The following PDGFRL variants were observed in gnomAD, a reference collection of about 807,000 sequenced individuals.
PDGFRL encodes the protein platelet-derived growth factor receptor-like protein.
PDGFRL carries 46 observed loss-of-function variants against 37.2 expected under a neutral mutation model. The ratio of observed to expected loss-of-function variants is 1.24; its 90% CI spans 0.98 to 1.58. The LOEUF is 1.58. PDGFRL is among the 40% of genes most tolerant of loss of function. The probability of loss-of-function intolerance (pLI) is 0.00; values close to 1 mark genes in which losing one functional copy is unlikely to be tolerated. For missense variants in PDGFRL, 692 were observed against 467.6 expected (o/e 1.48, Z -4.43); for synonymous variants, 251 against 184.3 (o/e 1.36, Z -2.93).
At chr8:17,597,470 A>G (rs895709757) in intron 2 of PDGFRL, among the ~76,000 whole-genome samples, 3 of 152,232 alleles carry the variant, frequency 2.0e-5, no homozygotes, top group Non-Finnish European at 2.9e-5. Context: ...AGAGAGAGCA[A>G]TTAATGAAGA....
intron 2 of PDGFRL, among the ~76,000 whole-genome samples, chr8:17,609,665 A>AAAAG (rs869133686): frequency 1.0e-5 from 1 of 97,524 alleles, no homozygotes; most frequent in East Asian, 3.6e-4. Context: ...AAAAAAAAAA[A>AAAAG]TAAGAGCCAA....
intron 1 of PDGFRL, 103 bp downstream of exon 1, chr8:17,577,410 C>G: frequency 1.0e-6 from 1 of 992,642 alleles, no homozygotes; most frequent in Admixed American, 2.0e-5. Context: ...AACGTTCGGC[C>G]CTCGGTGGCT....
At chr8:17,608,560 T>C (rs1055706866) in intron 2 of PDGFRL, among the ~76,000 whole-genome samples, 4 of 151,880 alleles carry the variant, frequency 2.6e-5, no homozygotes, top group African/African-American at 9.7e-5. Flanking sequence ...CCAGAGCGAG[T>C]GTGTCACAGC....
intron 5 of PDGFRL, among the ~76,000 whole-genome samples, chr8:17,641,775 C>G (rs1426114617): frequency 1.3e-5 from 2 of 151,792 alleles, no homozygotes; most frequent in Non-Finnish European, 2.9e-5. Context: ...GGCCTATGGG[C>G]TGTGATTGGT....
At chr8:17,616,230 C>T (rs1804524395) in intron 2 of PDGFRL, among the ~76,000 whole-genome samples, 1 of 151,720 alleles carries the variant, frequency 6.6e-6, no homozygotes, top group Admixed American at 6.6e-5. Flanking sequence ...GAGCCTTGCT[C>T]TGTCACCAGG....
chr8:17,593,508 G>T (rs1411665591), intron 2 of PDGFRL, among the ~76,000 whole-genome samples: 1 of 151,782 alleles, frequency 6.6e-6, no homozygotes, highest in Non-Finnish European at 1.5e-5. Flanking sequence ...TAAGAGGGTG[G>T]GATCACCTGA....
chr8:17,617,529 C>G (rs775130060), intron 2 of PDGFRL, among the ~76,000 whole-genome samples: 1 of 152,150 alleles, frequency 6.6e-6, no homozygotes, highest in Non-Finnish European at 1.5e-5. Context: ...CCCTCGGTCA[C>G]TTCCAACCCC....
At chr8:17,593,888 C>CA (rs376718770) in intron 2 of PDGFRL, among the ~76,000 whole-genome samples, 117,625 of 145,392 alleles carry the variant, frequency 0.81, 49,176 homozygotes, top group Non-Finnish European at 0.92. Context: ...AACTCCATCT[C>CA]AAAAAAAAAA....
chr8:17,632,323 C>T (rs762724030), intron 4 of PDGFRL, among the ~76,000 whole-genome samples: 4 of 151,692 alleles, frequency 2.6e-5, no homozygotes, highest in African/African-American at 7.3e-5. Context: ...TTCTCCACTC[C>T]ATTTTCCACA....
chr8:17,613,077 T>C (rs955762424), intron 2 of PDGFRL, among the ~76,000 whole-genome samples: 7 of 152,350 alleles, frequency 4.6e-5, no homozygotes, highest in African/African-American at 1.7e-4. Context: ...TTTAGCTAAA[T>C]CTCTTGGGTC....
Position 17,643,138 on chromosome 8 carries a change from AAGT to A in PDGFRL, c.*338_*340del. ...ATAAAAAGTGGGATAAGTGTTTTTT[AAGT>A]TAAGTTGACTTAAAATACATCCAGA... On this transcript the variant is annotated 3_prime_UTR_variant, in exon 6 of 6. Coordinates refer to ENST00000251630, the MANE Select transcript of PDGFRL (RefSeq NM_001372073.1). 4.7e-6 allele frequency: 1 copy of A among 214,646 alleles called. No homozygotes were observed. The highest frequency in any genetic ancestry group is 9.2e-6 in the Non-Finnish European group (1 of 108,440). The allele number at this position is 214,646 out of a possible 1,614,324, so 13.3% of individuals were successfully genotyped here. A position where few individuals can be genotyped will look rare whatever the true frequency, so the allele number is the denominator to read the frequency against.
Position 17,634,107 on chromosome 8 carries a change from C to T in PDGFRL, c.833C>T (p.Ala278Val), listed in dbSNP as rs199546402. The change falls in exon 5 of 6, where the codon GCT becomes GTT. Residue 278 changes from alanine to valine, a missense_variant. Coordinates refer to ENST00000251630, the MANE Select transcript of PDGFRL (RefSeq NM_001372073.1). ...PSGPPSTTIL[A>V]SSNKVKSGDD... ...GGCCCTCCCTCAACAACCATCTTGG[C>T]TTCTTCAAACAAAGTGAAAAGTGGG... 6.2e-5 allele frequency: 100 copies of T among 1,614,010 alleles called. No individual in the cohort carries two copies. Among genetic ancestry groups the T allele is most frequent in the Non-Finnish European group, 7.9e-5 (93 of 1,179,836 alleles).
intron 2 of PDGFRL, among the ~76,000 whole-genome samples, chr8:17,602,630 G>C (rs1367417339): frequency 6.6e-6 from 1 of 152,110 alleles, no homozygotes; most frequent in Non-Finnish European, 1.5e-5. Context: ...ATTGATTTAG[G>C]GTAGCTCTTT....
At chr8:17,627,989 C>CTTTTTTTTTTTTTTTTT (rs35707610) in intron 3 of PDGFRL, among the ~76,000 whole-genome samples, 3 of 89,248 alleles carry the variant, frequency 3.4e-5, no homozygotes, top group Admixed American at 1.4e-4. Context: ...TTCTTTCTTT[C>CTTTTTTTTTTTTTTTTT]TTTTTTTTTT....
intron 3 of PDGFRL, among the ~76,000 whole-genome samples, chr8:17,627,341 T>A (rs1379239517): frequency 6.6e-6 from 1 of 151,842 alleles, no homozygotes; most frequent in East Asian, 1.9e-4. Context: ...AATGTGCTTG[T>A]CTACTTTAAG....
At chr8:17,610,282 C>T (rs998438300) in intron 2 of PDGFRL, among the ~76,000 whole-genome samples, 1 of 152,106 alleles carries the variant, frequency 6.6e-6, no homozygotes, top group Non-Finnish European at 1.5e-5. Flanking sequence ...TGAGCTTCTG[C>T]TACATGGTAA....
At chr8:17,594,004 CTA>C (rs953334663) in intron 2 of PDGFRL, among the ~76,000 whole-genome samples, 31 of 152,236 alleles carry the variant, frequency 2.0e-4, no homozygotes, top group African/African-American at 7.2e-4. Context: ...ATGGCCGAAA[CTA>C]TGTGCCCACT....
chr8:17,592,645 C>T (rs1428944490), intron 2 of PDGFRL, among the ~76,000 whole-genome samples: 3 of 152,172 alleles, frequency 2.0e-5, no homozygotes, highest in Admixed American at 6.5e-5. Context: ...TCTTTCATAG[C>T]CAGGAACACT....
chr8:17,584,821 A>C (rs748747981), intron 1 of PDGFRL, among the ~76,000 whole-genome samples: 37 of 152,054 alleles, frequency 2.4e-4, no homozygotes, highest in South Asian at 2.1e-4. Context: ...GTAAGAAAGA[A>C]TTCGGAGTGA....
Sources: gnomAD v4.1 joint callset for allele counts (sites outside exome capture counted in the v4.1 genomes callset) on GRCh38, gnomAD v4.1.1 for gene constraint, MANE v1.5 for transcripts, NCBI Gene and HGNC (gene_info 2026-07-23, HGNC 2026-07-21) for gene names.